STOX2: variants seen among roughly 807,000 people sequenced by gnomAD.
The protein encoded by STOX2 is storkhead-box protein 2.
A neutral mutation model predicts 60.9 loss-of-function variants in STOX2; 28 were observed. The ratio of observed to expected loss-of-function variants is 0.46; its 90% CI spans 0.34 to 0.63. STOX2 has a LOEUF of 0.63. Ranked by LOEUF, STOX2 falls within the 30% of genes least tolerant of loss-of-function variation. The pLI, the probability that STOX2 is intolerant of heterozygous loss-of-function variation, is 0.01. For missense variants in STOX2, 1,024 were observed against 1,187.7 expected, an observed-to-expected ratio of 0.86 and a Z score of 2.03; for synonymous variants, 472 against 463.9, an observed-to-expected ratio of 1.02 and a Z score of -0.22.
chr4:183,916,590 T>A (rs779452757), intron 1 of STOX2, among the ~76,000 whole-genome samples: 2 of 152,198 alleles, frequency 1.3e-5, no homozygotes, highest in Non-Finnish European at 2.9e-5. Flanking sequence ...GATTTTGTCA[T>A]TAAAAGTAAT....
chr4:183,872,640 G>T (rs180878106), intron 1 of STOX2, among the ~76,000 whole-genome samples: 6 of 152,238 alleles, frequency 3.9e-5, no homozygotes, highest in Admixed American at 3.9e-4. Flanking sequence ...ATTAGAAGCC[G>T]GGTGTGTGGC....
chr4:184,010,804 G>T lies in STOX2; in HGVS notation c.1966G>T (p.Glu656Ter). ...CAGGGAGCCTGTGGGGCACAAGGAGGAGTCACCAAAAGGGCCGGGTGGGGG... is the reference window on the plus strand; with the variant it reads ...CAGGGAGCCTGTGGGGCACAAGGAGTAGTCACCAAAAGGGCCGGGTGGGGG... ...SSREPVGHKEESPKGPGGGPA... is the reference protein window; with the variant it reads ...SSREPVGHKE The change falls in exon 3 of 4, where the codon GAG becomes TAG. Residue 656 changes from glutamate (E) to a stop codon, truncating the protein, a stop_gained. Transcript: ENST00000308497. LOFTEE classifies it high-confidence loss of function. This position sits in a 1 kb window ranked among gnomAD's most constrained non-coding sequence, Gnocchi z 4.5. The T allele has an allele frequency of 6.3e-7, 1 of 1,584,164 alleles. No individual in the cohort carries two copies. The highest frequency in any genetic ancestry group is 1.2e-5 in the South Asian group (1 of 84,932).
At chr4:184,005,474 A>AAAAAAAAAAT (rs58443213) in intron 2 of STOX2, among the ~76,000 whole-genome samples, 1 of 120,070 alleles carries the variant, frequency 8.3e-6, no homozygotes, top group Non-Finnish European at 1.7e-5. Context: ...AAAAAAAAAA[A>AAAAAAAAAAT]AATTCATAGG....
Position 184,019,486 on chromosome 4 carries a change from C to T in STOX2, c.*2202C>T, listed in dbSNP as rs1420948454. 2.0e-5 allele frequency: 3 copies of T among 152,300 alleles called. No individual in the cohort carries two copies. In the East Asian group the frequency reaches 5.8e-4, roughly 29 times the overall value. 9.4% of individuals were successfully genotyped at this position (152,300 alleles called of 1,614,324 possible). On this transcript the variant is annotated 3_prime_UTR_variant, in exon 4 of 4. Transcript: ENST00000308497. ...ATAACCATTGAAACAACACATCAGCCTCTAGCTGATCCTCTGAAAGTAGCC... is the reference window on the plus strand; with the variant it reads ...ATAACCATTGAAACAACACATCAGCTTCTAGCTGATCCTCTGAAAGTAGCC...
intron 1 of STOX2, among the ~76,000 whole-genome samples, chr4:183,860,456 A>AAAAAAG (rs1560850793): frequency 1.3e-5 from 2 of 149,466 alleles, no homozygotes; most frequent in African/African-American, 2.4e-5. Flanking sequence ...AAAAAAAAAA[A>AAAAAAG]AAGAAGAAAA....
At chr4:183,955,867 C>T (rs925904652) in intron 1 of STOX2, among the ~76,000 whole-genome samples, 8 of 152,016 alleles carry the variant, frequency 5.3e-5, no homozygotes, top group Admixed American at 1.3e-4. Flanking sequence ...GCCTGCAGAG[C>T]GATCTGTAGA....
chr4:184,020,759 ACTT>A lies in STOX2; in HGVS notation c.*3481_*3483del, dbSNP rs1254736382. ...ACTAGCTGGATAAAAATAACAAATT[ACTT>A]CTTCTCTGATGTTGTGAAGGTCAGG... is the stretch of plus-strand genomic sequence containing the variant. On this transcript the variant is annotated 3_prime_UTR_variant, in exon 4 of 4. Transcript: ENST00000308497. The A allele has an allele frequency of 6.6e-6, 1 of 152,128 alleles. No individual in the cohort carries two copies. The highest frequency in any genetic ancestry group is 2.4e-5 in the African/African-American group (1 of 41,404). The allele number at this position is 152,128 out of a possible 1,614,324, so 9.4% of individuals were successfully genotyped here.
At chr4:183,960,701 G>C (rs1269665300) in intron 1 of STOX2, among the ~76,000 whole-genome samples, 1 of 152,190 alleles carries the variant, frequency 6.6e-6, no homozygotes, top group Non-Finnish European at 1.5e-5. Flanking sequence ...TGAGTCGTAA[G>C]GGCCATAAAG....
Position 183,809,209 on chromosome 4 carries a change from G to A in STOX2, c.364+11154G>A, listed in dbSNP as rs143279813. Among the ~76,000 whole-genome samples the A allele has an allele frequency of 4.4e-3, 669 of 152,150 alleles. 5 individuals carry two copies. Among genetic ancestry groups the A allele is most frequent in the African/African-American group, 0.015 (638 of 41,492 alleles). On this transcript the variant is annotated intron_variant, in intron 1 of 2. Transcript: ENST00000513034. ...AGATCCTTCCGCTTCAGCCTCCCAA[G>A]TAACTGGGGCTACAGGCATGAGCCA...
intron 1 of STOX2, among the ~76,000 whole-genome samples, chr4:183,852,534 AGG>A (rs1740177549): frequency 6.7e-6 from 1 of 148,386 alleles, no homozygotes; most frequent in African/African-American, 2.5e-5. Flanking sequence ...GGAAAGGATG[AGG>A]GAAAGGATGA....
intron 1 of STOX2, among the ~76,000 whole-genome samples, chr4:183,845,152 T>A (rs1349773796): frequency 6.6e-6 from 1 of 152,096 alleles, no homozygotes; most frequent in African/African-American, 2.4e-5. Flanking sequence ...TAGACAGTAA[T>A]ACGTACAATC....
At chr4:183,861,191 A>G (rs1250627086) in intron 1 of STOX2, among the ~76,000 whole-genome samples, 3 of 152,304 alleles carry the variant, frequency 2.0e-5, no homozygotes, top group South Asian at 4.1e-4. Context: ...AAAACACAGA[A>G]CCTGGTCAGA....
Position 183,877,234 on chromosome 4 carries a change from C to T in STOX2, c.364+79179C>T, listed in dbSNP as rs149885114. 1.3e-3 allele frequency among the ~76,000 whole-genome samples: 198 copies of T among 152,292 alleles called. 6 individuals are homozygous for T. In the South Asian group the frequency reaches 0.019, roughly 15 times the overall value. On this transcript the variant is annotated intron_variant, in intron 1 of 2. Coordinates refer to the STOX2 transcript ENST00000513034. ...TTCTTGCTATCCCCTGAACTAAAGT[C>T]CTGCTACTCAAAGCGTATGGTCTGG...
At chr4:183,927,199 T>C (rs1742266005) in intron 1 of STOX2, among the ~76,000 whole-genome samples, 1 of 152,132 alleles carries the variant, frequency 6.6e-6, no homozygotes, top group African/African-American at 2.4e-5. Flanking sequence ...GAGGCCCGGA[T>C]GTGGGAGCAG....
intron 1 of STOX2, among the ~76,000 whole-genome samples, chr4:183,986,757 A>G (rs1732861403): frequency 6.6e-6 from 1 of 151,956 alleles, no homozygotes; most frequent in Non-Finnish European, 1.5e-5. Flanking sequence ...GCTGATTTGA[A>G]CTCAACTCAC....
intron 1 of STOX2, among the ~76,000 whole-genome samples, chr4:183,912,640 C>A (rs1741813714): frequency 6.6e-6 from 1 of 152,196 alleles, no homozygotes; most frequent in African/African-American, 2.4e-5. Context: ...TGTGTTACAG[C>A]AACACGGTCA....
chr4:183,922,291 A>G (rs1742123040), intron 1 of STOX2, among the ~76,000 whole-genome samples: 1 of 151,546 alleles, frequency 6.6e-6, no homozygotes, highest in Admixed American at 6.6e-5. Context: ...ATTTTTTTAA[A>G]CTTACTTTTT....
rs146373676 is a variant in STOX2 at position 183,800,971 on chromosome 4, A to T, written c.364+2916A>T. On this transcript the variant is annotated intron_variant, in intron 1 of 2. Transcript: ENST00000513034. ...GGCTGTGCTGTGGTACAGTTGAGGC[A>T]AACCTACACTTTCACAGCAGGATTT... Among the ~76,000 whole-genome samples, 714 of 152,328 alleles carry T rather than the reference A, an allele frequency of 4.7e-3. 7 individuals are homozygous for T. The highest frequency in any genetic ancestry group is 0.016 in the African/African-American group (672 of 41,572).
intron 1 of STOX2, among the ~76,000 whole-genome samples, chr4:183,911,791 C>G (rs1741788965): frequency 6.6e-6 from 1 of 152,144 alleles, no homozygotes; most frequent in African/African-American, 2.4e-5. Context: ...GCAAAATCTG[C>G]TTGGACCCTT....
Sources: allele counts gnomAD v4.1 joint callset (sites outside exome capture counted in the v4.1 genomes callset), GRCh38; gene constraint gnomAD v4.1.1; non-coding constraint Gnocchi (gnomAD v3.1); transcripts MANE v1.5; gene names NCBI Gene and HGNC (gene_info 2026-07-23, HGNC 2026-07-21).